The following CDH23 variants were observed in gnomAD, a reference collection of about 807,000 sequenced individuals.
CDH23 encodes the protein cadherin-23.
A neutral mutation model predicts 317.1 loss-of-function variants in CDH23; 189 were observed. The observed-to-expected ratio is 0.60, with a 90% CI of 0.53 to 0.67. CDH23 has a LOEUF of 0.67. CDH23 is among the 30% of genes least tolerant of loss of function. The pLI is 0.00. For synonymous variants in CDH23, 1,839 were observed against 1,876.8 expected (o/e 0.98, Z 0.52); for missense variants, 4,401 against 4,592.4 (o/e 0.96, Z 1.20).
chr10:71,728,934 G>A (rs1181465371), intron 30 of CDH23, among the ~76,000 whole-genome samples: 3 of 151,940 alleles, frequency 2.0e-5, no homozygotes, highest in African/African-American at 4.8e-5. Flanking sequence ...GGGCTCAAGC[G>A]ATCCTCTTGC....
chr10:71,592,466 A>G (rs546201775), intron 9 of CDH23, among the ~76,000 whole-genome samples: 29 of 152,288 alleles, frequency 1.9e-4, no homozygotes, highest in Admixed American at 1.8e-3. Flanking sequence ...GGTTCCTTCT[A>G]GAAACTCCAG....
intron 28 of CDH23, chr10:71,713,065 C>T (rs747601031): frequency 2.7e-6 from 2 of 743,224 alleles, no homozygotes; most frequent in Admixed American, 3.8e-5. Flanking sequence ...GACTTGGCCT[C>T]CCCCTGCATA....
intron 3 of CDH23, among the ~76,000 whole-genome samples, chr10:71,461,548 T>C (rs1850985148): frequency 6.6e-6 from 1 of 152,200 alleles, no homozygotes; most frequent in Non-Finnish European, 1.5e-5. Context: ...GAACAGACAT[T>C]GCCCTGGGAG....
chr10:71,803,398 G>A lies in CDH23; in HGVS notation c.7850G>A (p.Gly2617Asp), dbSNP rs1461052011. 6.3e-7 allele frequency: 1 copy of A among 1,596,258 alleles called. No individual in the cohort carries two copies. The highest frequency in any genetic ancestry group is 8.5e-7 in the Non-Finnish European group (1 of 1,172,152). The change falls in exon 55 of 70, where the codon GGC (glycine) becomes GAC (aspartate). Residue 2617 changes from glycine (G) to aspartate (D), a missense_variant. By Grantham distance (94) the Gly-to-Asp change is moderately conservative. This residue lies in a region of CDH23 where 1,144 missense variants were observed against 1,138.2 expected (regional missense o/e 1.01). Coordinates refer to ENST00000224721, the MANE Select transcript of CDH23 (RefSeq NM_022124.6). ...NRPVFVRPPN[G>D]TILHIREEIP... ...CCTGTCTTTGTGCGCCCACCCAACG[G>A]CACCATCCTCCACATCAGAGAGGTA...
At chr10:71,630,245 C>A (rs1354083350) in intron 11 of CDH23, among the ~76,000 whole-genome samples, 1 of 152,124 alleles carries the variant, frequency 6.6e-6, no homozygotes, top group African/African-American at 2.4e-5. Context: ...TGGTCTCAAA[C>A]CCCTGGCCTC....
At position 71,812,829 on chromosome 10, in the gene CDH23, C is replaced by A. The variant is rs752208773; in HGVS notation, c.9572C>A (p.Ala3191Asp). The change falls in exon 68 of 70, where the codon GCC (alanine) becomes GAC (aspartate). Residue 3191 changes from alanine (A) to aspartate (D), a missense_variant. Coordinates refer to ENST00000224721, the MANE Select transcript of CDH23 (RefSeq NM_022124.6). ...GATGATGACCGATACCTGCGGGCTG[C>A]CATCCAGGAGTATGACAACATTGCC... ...KPDDDRYLRAAIQEYDNIAKL... is the reference protein window; with the variant it reads ...KPDDDRYLRADIQEYDNIAKL... 1 of 1,613,520 alleles carries A rather than the reference C, an allele frequency of 6.2e-7. No homozygotes were observed. The highest frequency in any genetic ancestry group is 8.5e-7 in the Non-Finnish European group (1 of 1,179,672).
chr10:71,562,306 T>A (rs1312063059), intron 6 of CDH23, among the ~76,000 whole-genome samples: 3 of 152,174 alleles, frequency 2.0e-5, no homozygotes, highest in South Asian at 2.1e-4. Flanking sequence ...CACCTCCCCA[T>A]GCGCATGCTG....
intron 1 of CDH23, among the ~76,000 whole-genome samples, chr10:71,403,384 TTTCTTTC>T (rs1847901555): frequency 8.4e-6 from 1 of 118,588 alleles, no homozygotes; most frequent in Non-Finnish European, 1.6e-5. Flanking sequence ...TCTTTCTTTC[TTTCTTTC>T]TTTCTTTCTT....
intron 17 of CDH23, among the ~76,000 whole-genome samples, chr10:71,681,511 G>A (rs1325321777): frequency 6.6e-6 from 1 of 152,176 alleles, no homozygotes; most frequent in Non-Finnish European, 1.5e-5. Flanking sequence ...TCTAAACAGA[G>A]TTCTGTTGAA....
chr10:71,510,543 C>A (rs966375535), intron 4 of CDH23, among the ~76,000 whole-genome samples: 2 of 151,892 alleles, frequency 1.3e-5, no homozygotes, highest in African/African-American at 4.8e-5. Flanking sequence ...AGTAAACATT[C>A]CCCCAATATC....
intron 38 of CDH23, among the ~76,000 whole-genome samples, chr10:71,774,433 C>T (rs1250667351): frequency 6.6e-6 from 1 of 152,170 alleles, no homozygotes; most frequent in African/African-American, 2.4e-5. Flanking sequence ...TCCTTTTTCC[C>T]GGCAAATCCT....
At chr10:71,530,689 G>A (rs1263987173) in intron 6 of CDH23, among the ~76,000 whole-genome samples, 4 of 152,182 alleles carry the variant, frequency 2.6e-5, no homozygotes, top group African/African-American at 9.7e-5. Context: ...CAGCCTTCGT[G>A]ACCATCAGAA....
rs2132397548 is a variant in CDH23 at position 71,577,080 on chromosome 10, C to T, written c.754-834C>T. On this transcript the variant is annotated intron_variant, in intron 8 of 69. Coordinates refer to ENST00000224721, the MANE Select transcript of CDH23 (RefSeq NM_022124.6). ...CCATCTGTACGACCATTCGCCAATT[C>T]CTCCAGGTGGACTTCTCCCCTTTTT... Among the ~76,000 whole-genome samples, 3 of 152,292 alleles carry T rather than the reference C, an allele frequency of 2.0e-5. 1 individual carries two copies. Among genetic ancestry groups the T allele is most frequent in the Admixed American group, 2.0e-4 (3 of 15,304 alleles).
chr10:71,707,191 G>A, intron 26 of CDH23, 142 bp downstream of exon 26: 1 of 1,517,454 alleles, frequency 6.6e-7, no homozygotes, highest in Non-Finnish European at 8.8e-7. Context: ...AGCCTCTGGT[G>A]GTGCCTCCCG....
At chr10:71,505,127 A>C (rs182814841) in intron 3 of CDH23, among the ~76,000 whole-genome samples, 4 of 152,284 alleles carry the variant, frequency 2.6e-5, no homozygotes, top group African/African-American at 9.6e-5. Flanking sequence ...CTTACTGGGG[A>C]GGAGGTTCCA....
At chr10:71,580,854 C>T (rs74147350) in intron 9 of CDH23, among the ~76,000 whole-genome samples, 36 of 152,114 alleles carry the variant, frequency 2.4e-4, no homozygotes, top group African/African-American at 8.4e-4. Context: ...CCCCACCCCC[C>T]ATTCCTACCC....
chr10:71,399,356 G>A (rs1212349848), intron 1 of CDH23, among the ~76,000 whole-genome samples: 2 of 152,342 alleles, frequency 1.3e-5, no homozygotes, highest in East Asian at 3.9e-4. Flanking sequence ...AGTTTGAGCT[G>A]TGGTCCACAG....
chr10:71,726,440 G>T lies in CDH23; in HGVS notation c.3579+920G>T, dbSNP rs557199681. ...ACACGATGGGTCTGATTGCTCAGGG[G>T]CTGTGCTGGGGTGGGTGACTCAGCC... On this transcript the variant is annotated intron_variant, in intron 30 of 69. Coordinates refer to ENST00000224721, the MANE Select transcript of CDH23 (RefSeq NM_022124.6). Among the ~76,000 whole-genome samples, 14 of 152,340 alleles carry T rather than the reference G, an allele frequency of 9.2e-5. No homozygotes were observed. The South Asian group carries it at 1.9e-3, about 20-fold the overall frequency.
intron 7 of CDH23, among the ~76,000 whole-genome samples, chr10:71,570,193 T>G (rs1857692827): frequency 6.6e-6 from 1 of 152,262 alleles, no homozygotes; most frequent in Non-Finnish European, 1.5e-5. Context: ...CCCTGCTGGT[T>G]GGATTGGGAA....
Sources: allele counts gnomAD v4.1 joint callset (sites outside exome capture counted in the v4.1 genomes callset), GRCh38; gene constraint gnomAD v4.1.1; regional missense constraint gnomAD v4.1.1; transcripts MANE v1.5; gene names NCBI Gene and HGNC (gene_info 2026-07-23, HGNC 2026-07-21).